Variants in NDUFS1 observed in about 807,000 individuals in gnomAD.
The protein encoded by NDUFS1 is NADH:ubiquinone oxidoreductase core subunit S1, also known as NADH-ubiquinone oxidoreductase 75 kDa subunit, mitochondrial.
Under a neutral mutation model 84.4 loss-of-function variants are expected in NDUFS1, and 61 were observed. That is an observed-to-expected ratio of 0.72 (90% CI 0.59 to 0.89). The LOEUF (loss-of-function observed/expected upper bound fraction) is 0.89, where lower values mean the gene tolerates loss of function less well. Among genes scored for constraint, NDUFS1 ranks in the 40% least tolerant of loss-of-function variants. The probability of loss-of-function intolerance (pLI) is 0.00; values close to 1 mark genes in which losing one functional copy is unlikely to be tolerated. For synonymous variants in NDUFS1, 275 were observed against 290.0 expected (o/e 0.95, Z 0.53); for missense variants, 891 against 890.0 (o/e 1.00, Z -0.01).
At chr2:206,129,117 G>C (rs375068518) in intron 15 of NDUFS1, among the ~76,000 whole-genome samples, 1 of 152,154 alleles carries the variant, frequency 6.6e-6, no homozygotes, top group Non-Finnish European at 1.5e-5. Flanking sequence ...TGAATCAAGT[G>C]TAAGAAAATC....
chr2:206,126,418 C>T (rs933897315), intron 18 of NDUFS1, 121 bp downstream of exon 18: 6 of 942,308 alleles, frequency 6.4e-6, no homozygotes, highest in African/African-American at 1.6e-5. Flanking sequence ...TGTTTGAAAA[C>T]CTTCAAAGAT....
In NDUFS1 at chr2:206,119,712, GC is replaced by G. The variant is rs1475558323; in HGVS notation, c.*4472del. Reference sequence around the variant, plus strand: ...TTACAGGCTTGAGCTACTGTGCCAGGCCAAGTATATTTTTAATTAATGTATT... The same window carrying G: ...TTACAGGCTTGAGCTACTGTGCCAGGCAAGTATATTTTTAATTAATGTATT... On this transcript the variant is annotated 3_prime_UTR_variant, in exon 19 of 19. Transcript: ENST00000233190. The G allele has an allele frequency of 6.6e-6, 1 of 152,122 alleles. No individual in the cohort carries two copies. The highest frequency in any genetic ancestry group is 1.5e-5 in the Non-Finnish European group (1 of 68,020). The allele number at this position is 152,122 out of a possible 1,614,324, so 9.4% of individuals were successfully genotyped here.
intron 2 of NDUFS1, 24 bp from the exon 3 acceptor site, chr2:206,152,534 G>T: frequency 1.3e-6 from 2 of 1,594,314 alleles, no homozygotes; most frequent in South Asian, 1.1e-5. Context: ...ATATTGAAGC[G>T]AAAAACAGAT....
intron 13 of NDUFS1, among the ~76,000 whole-genome samples, chr2:206,136,219 A>AT (rs79486494): frequency 1.1e-3 from 157 of 138,978 alleles, no homozygotes; most frequent in East Asian, 4.9e-3. Context: ...TAATTTTTGT[A>AT]TTTTTTTTTT....
intron 12 of NDUFS1, 144 bp downstream of exon 12, chr2:206,141,797 C>G: frequency 1.5e-6 from 1 of 657,250 alleles, no homozygotes; most frequent in Non-Finnish European, 2.4e-6. Flanking sequence ...CTCCGTCCCA[C>G]CAAAAAAAAA....
Position 206,147,620 on chromosome 2 carries a change from T to C in NDUFS1, c.462A>G (p.Leu154=), listed in dbSNP as rs1424981998. Residue 154 remains leucine (L), a synonymous_variant, in exon 7 of 19, where the codon TTA becomes TTG. Coordinates refer to ENST00000233190, the MANE Select transcript of NDUFS1 (RefSeq NM_005006.7). ...MMFGNDRSRF[L]EGKRAVEDKN... is the part of the protein sequence containing the mutation. ...TGTCTTCCACAGCACGCTTCCCCTCTAAAAATCGGCTCCTATCATTTCCAA... is the reference window on the plus strand; with the variant it reads ...TGTCTTCCACAGCACGCTTCCCCTCCAAAAATCGGCTCCTATCATTTCCAA... 6.2e-7 allele frequency: 1 copy of C among 1,614,158 alleles called. No homozygotes were observed.
intron 12 of NDUFS1, among the ~76,000 whole-genome samples, chr2:206,140,161 AT>A (rs1691880824): frequency 6.6e-6 from 1 of 152,164 alleles, no homozygotes; most frequent in African/African-American, 2.4e-5. Context: ...CCTGGGCAAC[AT>A]AGGGAGATCC....
intron 15 of NDUFS1, among the ~76,000 whole-genome samples, chr2:206,128,329 C>A (rs1353087412): frequency 6.6e-6 from 1 of 152,004 alleles, no homozygotes; most frequent in East Asian, 2.0e-4. Flanking sequence ...CCACACTCAG[C>A]TAATTTTTTG....
chr2:206,155,149 C>T (rs1415184612), intron 1 of NDUFS1, among the ~76,000 whole-genome samples: 5 of 151,558 alleles, frequency 3.3e-5, no homozygotes, highest in Admixed American at 1.3e-4. Flanking sequence ...GACGGAGTCC[C>T]GCTCTGTTGC....
chr2:206,148,841 A>G (rs529818744), intron 5 of NDUFS1, among the ~76,000 whole-genome samples, 179 bp downstream of exon 5: 1 of 152,310 alleles, frequency 6.6e-6, no homozygotes, highest in East Asian at 1.9e-4. Context: ...TCAATACCAT[A>G]AACTCCTGAC....
intron 18 of NDUFS1, 127 bp from the exon 19 acceptor site, chr2:206,124,403 A>G: frequency 1.4e-6 from 1 of 720,938 alleles, no homozygotes; most frequent in South Asian, 1.6e-5. Context: ...ATATATAATT[A>G]TATGTAACCA....
Position 206,142,083 on chromosome 2 carries a change from A to G in NDUFS1, c.1134-14T>C. On this transcript the variant is annotated splice_polypyrimidine_tract_variant and intron_variant, in intron 11 of 18. Transcript: ENST00000233190. Reference sequence around the variant, plus strand: ...CGCAAATCTGTGCTAGAAATACAATATATAAAATGCAAATTTACTTTAAAA... The same window carrying G: ...CGCAAATCTGTGCTAGAAATACAATGTATAAAATGCAAATTTACTTTAAAA... 2 of 1,569,994 alleles carry G rather than the reference A, an allele frequency of 1.3e-6. No individual in the cohort carries two copies. Among genetic ancestry groups the G allele is most frequent in the Non-Finnish European group, 1.8e-6 (2 of 1,140,260 alleles).
Position 206,116,609 on chromosome 2 carries a change from G to A in NDUFS1, c.*7576C>T. ...TTTATAAATTACCCAGTCTGGGCCT[G>A]GTGTGTTGGCTCACATGTGTAATTC... is the stretch of plus-strand genomic sequence containing the variant. On this transcript the variant is annotated 3_prime_UTR_variant, in exon 19 of 19. Transcript: ENST00000233190. 1 of 502,084 alleles carries A rather than the reference G, an allele frequency of 2.0e-6. No individual in the cohort carries two copies. The highest frequency in any genetic ancestry group is 2.0e-5 in the South Asian group (1 of 49,134). 31.1% of individuals were successfully genotyped at this position (502,084 alleles called of 1,614,324 possible).
chr2:206,151,430 A>T (rs896326406), intron 3 of NDUFS1, among the ~76,000 whole-genome samples: 13 of 152,186 alleles, frequency 8.5e-5, no homozygotes, highest in African/African-American at 3.1e-4. Context: ...TTCATCCTTT[A>T]ACACCTCCTC....
At chr2:206,158,707 T>C (rs1009507967) in intron 1 of NDUFS1, among the ~76,000 whole-genome samples, 3 of 152,262 alleles carry the variant, frequency 2.0e-5, no homozygotes, top group Non-Finnish European at 4.4e-5. Flanking sequence ...AACAGAGTTG[T>C]GTCTGATCCA....
chr2:206,159,010 T>C, intron 1 of NDUFS1: 3 of 1,426,714 alleles, frequency 2.1e-6, no homozygotes, highest in Admixed American at 2.0e-5. Context: ...ACACTGGTCC[T>C]CTCCCGGGGA....
chr2:206,145,156 G>C, intron 8 of NDUFS1, 130 bp from the exon 9 acceptor site: 1 of 897,230 alleles, frequency 1.1e-6, no homozygotes, highest in Non-Finnish European at 1.6e-6. Context: ...GAAGCTTAGA[G>C]GAACTGCAAT....
intron 16 of NDUFS1, chr2:206,127,435 T>A: frequency 4.6e-6 from 1 of 219,460 alleles, no homozygotes; most frequent in South Asian, 6.6e-5. Flanking sequence ...CTCAGGAAGC[T>A]TGCGCCCGGG....
chr2:206,157,668 G>C (rs1446952886), intron 1 of NDUFS1, among the ~76,000 whole-genome samples: 1 of 152,164 alleles, frequency 6.6e-6, no homozygotes, highest in Non-Finnish European at 1.5e-5. Context: ...AAATCAACTA[G>C]AACTAGACTG....
Sources: allele counts gnomAD v4.1 joint callset (sites outside exome capture counted in the v4.1 genomes callset), GRCh38; gene constraint gnomAD v4.1.1; transcripts MANE v1.5; gene names NCBI Gene and HGNC (gene_info 2026-07-23, HGNC 2026-07-21).